Variants in RAB11FIP4 observed in about 807,000 individuals in gnomAD.
RAB11FIP4 encodes RAB11 family interacting protein 4.
Under a neutral mutation model 74.3 loss-of-function variants are expected in RAB11FIP4, and 23 were observed. That is an observed-to-expected ratio of 0.31 (90% CI 0.22 to 0.44). The LOEUF (loss-of-function observed/expected upper bound fraction) is 0.44. Ranked by LOEUF, RAB11FIP4 falls within the 20% of genes least tolerant of loss-of-function variation. RAB11FIP4 has a pLI of 1.00. For missense variants in RAB11FIP4, 630 were observed against 863.9 expected (o/e 0.73, Z 3.39); for synonymous variants, 360 against 359.9 (o/e 1.00, Z 0.00).
chr17:31,482,850 A>G (rs1419026392), intron 3 of RAB11FIP4, among the ~76,000 whole-genome samples: 1 of 152,154 alleles, frequency 6.6e-6, no homozygotes, highest in Non-Finnish European at 1.5e-5. Context: ...GTAAAGTCCT[A>G]GCCAGCTGCC....
At chr17:31,493,978 C>G (rs971327059) in intron 3 of RAB11FIP4, among the ~76,000 whole-genome samples, 2 of 152,212 alleles carry the variant, frequency 1.3e-5, no homozygotes, top group South Asian at 2.1e-4. Flanking sequence ...TTCATCCACC[C>G]CCCTGCTTTG....
chr17:31,440,337 G>T (rs564455625), intron 3 of RAB11FIP4, among the ~76,000 whole-genome samples: 3 of 152,068 alleles, frequency 2.0e-5, no homozygotes, highest in Non-Finnish European at 4.4e-5. Context: ...CCTTATATAC[G>T]TAGGTCTCTT....
At chr17:31,417,462 T>C (rs927138969) in intron 1 of RAB11FIP4, among the ~76,000 whole-genome samples, 1 of 152,332 alleles carries the variant, frequency 6.6e-6, no homozygotes, top group Non-Finnish European at 1.5e-5. Context: ...CTGTCTTCTA[T>C]TGTGGCTGCT....
In RAB11FIP4 at chr17:31,533,472, T is replaced by C. The variant is rs1160924438; in HGVS notation, c.*1740T>C. The C allele has an allele frequency of 2.0e-5, 3 of 152,084 alleles. No homozygotes were observed. The highest frequency in any genetic ancestry group is 7.2e-5 in the African/African-American group (3 of 41,380). 9.4% of individuals were successfully genotyped at this position (152,084 alleles called of 1,614,324 possible). On this transcript the variant is annotated 3_prime_UTR_variant, in exon 15 of 15. Coordinates refer to ENST00000621161, the MANE Select transcript of RAB11FIP4 (RefSeq NM_032932.6). The stretch of plus-strand genomic sequence containing the variant: ...CCCCAAGGGTTCTGCGAAGAGGCAG[T>C]GGAAGAAGGCATGAGGAGAGGGTCT...
chr17:31,462,121 G>T (rs1476935179), intron 3 of RAB11FIP4, among the ~76,000 whole-genome samples: 1 of 152,082 alleles, frequency 6.6e-6, no homozygotes, highest in African/African-American at 2.4e-5. Flanking sequence ...AAATTAGCTG[G>T]ATGTGGTGGC....
At chr17:31,419,167 C>T (rs2071175675) in intron 1 of RAB11FIP4, among the ~76,000 whole-genome samples, 1 of 152,152 alleles carries the variant, frequency 6.6e-6, no homozygotes, top group Admixed American at 6.5e-5. Flanking sequence ...ATGTGTAATG[C>T]TGCTGTGGAC....
intron 4 of RAB11FIP4, 29 bp downstream of exon 4, chr17:31,517,906 T>G: frequency 6.6e-7 from 1 of 1,520,926 alleles, no homozygotes; most frequent in Non-Finnish European, 8.9e-7. Flanking sequence ...AAGCTCCATA[T>G]TTGCCCTCTC....
chr17:31,487,214 T>A (rs2071913505), intron 3 of RAB11FIP4, among the ~76,000 whole-genome samples: 1 of 152,214 alleles, frequency 6.6e-6, no homozygotes, highest in South Asian at 2.1e-4. Context: ...CGCTTTACAT[T>A]CATCTCATTT....
intron 3 of RAB11FIP4, chr17:31,488,129 C>G: frequency 1.9e-6 from 2 of 1,035,140 alleles, no homozygotes; most frequent in Non-Finnish European, 2.3e-6. Flanking sequence ...GAAGTGCGAG[C>G]GGCAGCGGCG....
chr17:31,396,541 A>G (rs961431768), intron 1 of RAB11FIP4, among the ~76,000 whole-genome samples: 1 of 152,164 alleles, frequency 6.6e-6, no homozygotes, highest in African/African-American at 2.4e-5. Context: ...TGTCATTATT[A>G]TTATTTTCTA....
chr17:31,402,185 C>CCATG (rs1207852973), intron 1 of RAB11FIP4, among the ~76,000 whole-genome samples: 1 of 98,616 alleles, frequency 1.0e-5, no homozygotes, highest in Non-Finnish European at 2.3e-5. Flanking sequence ...CCCCATCTGT[C>CCATG]CATGCATCCA....
chr17:31,483,330 G>A (rs1229490188), intron 3 of RAB11FIP4, among the ~76,000 whole-genome samples: 1 of 152,082 alleles, frequency 6.6e-6, no homozygotes. Context: ...GTCCACCTTG[G>A]AGAGCACTAG....
chr17:31,450,491 G>A (rs762914335), intron 3 of RAB11FIP4, among the ~76,000 whole-genome samples: 4 of 151,780 alleles, frequency 2.6e-5, no homozygotes, highest in Non-Finnish European at 5.9e-5. Context: ...ATTATAGGAC[G>A]GCGCCATCAC....
At chr17:31,510,459 A>G (rs2142791475) in intron 3 of RAB11FIP4, among the ~76,000 whole-genome samples, 1 of 152,118 alleles carries the variant, frequency 6.6e-6, no homozygotes, top group South Asian at 2.1e-4. Flanking sequence ...AGCTATTTTT[A>G]CCCTGCCTTG....
intron 3 of RAB11FIP4, 45 bp from the exon 4 acceptor site, chr17:31,517,606 G>A: frequency 6.5e-7 from 1 of 1,536,714 alleles, no homozygotes; most frequent in South Asian, 1.2e-5. Flanking sequence ...ACTGAGCCCT[G>A]GGAAGCTGGC....
At chr17:31,488,040 T>C (rs1055709535) in intron 3 of RAB11FIP4, 5 of 1,011,226 alleles carry the variant, frequency 4.9e-6, no homozygotes, top group African/African-American at 1.7e-5. Flanking sequence ...TCACCGCAGC[T>C]TGATACAAAG....
At chr17:31,522,083 CG>C (rs778546113) in intron 6 of RAB11FIP4, 34 bp downstream of exon 6, 7 of 1,612,914 alleles carry the variant, frequency 4.3e-6, no homozygotes, top group Admixed American at 3.3e-5. Context: ...GGTGAGAGGC[CG>C]GGGGGCCAGG....
chr17:31,483,087 G>A (rs990643414), intron 3 of RAB11FIP4, among the ~76,000 whole-genome samples: 2 of 150,614 alleles, frequency 1.3e-5, no homozygotes, highest in African/African-American at 2.4e-5. Context: ...CAGCTACTCA[G>A]GAGGCTGAGG....
At chr17:31,499,148 C>T (rs1007509190) in intron 3 of RAB11FIP4, among the ~76,000 whole-genome samples, 2 of 152,186 alleles carry the variant, frequency 1.3e-5, no homozygotes, top group African/African-American at 4.8e-5. Context: ...TGCATGGGAA[C>T]TGGAGCTTCC....
Sources: allele counts gnomAD v4.1 joint callset (sites outside exome capture counted in the v4.1 genomes callset), GRCh38; gene constraint gnomAD v4.1.1; transcripts MANE v1.5; gene names NCBI Gene and HGNC (gene_info 2026-07-23, HGNC 2026-07-21).